Variants in NF2 observed in about 807,000 individuals in gnomAD.
NF2 encodes merlin.
Under a neutral mutation model 83.7 loss-of-function variants are expected in NF2, and 8 were observed. The ratio of observed to expected loss-of-function variants is 0.10; its 90% CI spans 0.06 to 0.17. The LOEUF (loss-of-function observed/expected upper bound fraction) is 0.17. Ranked by LOEUF, NF2 falls within the 10% of genes least tolerant of loss-of-function variation. The probability of loss-of-function intolerance (pLI) is 1.00; values close to 1 mark genes in which losing one functional copy is unlikely to be tolerated. For missense variants in NF2, 533 were observed against 744.4 expected (o/e 0.72, Z 3.31); for synonymous variants, 266 against 269.6 (o/e 0.99, Z 0.13).
At chr22:29,609,130 G>T in intron 1 of NF2, 1 of 752,252 alleles carries the variant, frequency 1.3e-6, no homozygotes, top group Non-Finnish European at 2.5e-6. Context: ...CAGGGGCTTT[G>T]ATTAAAGACA....
At chr22:29,641,288 A>C (rs2065804522) in intron 3 of NF2, among the ~76,000 whole-genome samples, 1 of 152,216 alleles carries the variant, frequency 6.6e-6, no homozygotes, top group Non-Finnish European at 1.5e-5. Flanking sequence ...TTAAAACCTA[A>C]GAAGAATTTT....
chr22:29,686,871 G>A (rs1569315452), intron 15 of NF2, among the ~76,000 whole-genome samples: 1 of 152,112 alleles, frequency 6.6e-6, no homozygotes, highest in African/African-American at 2.4e-5. Flanking sequence ...CAGTGGGAGC[G>A]ACACGTGTCC....
At position 29,603,644 on chromosome 22, in the gene NF2, C is replaced by T. The variant is rs2064699653; in HGVS notation, c.-355C>T. On this transcript the variant is annotated 5_prime_UTR_variant, in exon 1 of 16. Coordinates refer to ENST00000338641, the MANE Select transcript of NF2 (RefSeq NM_000268.4). ...TGCAGCGCGGCCCCGTGACCCTAGT[C>T]GGCCGCTGAGAGGCGCGCGGAGTCT... 2 of 407,322 alleles carry T rather than the reference C, an allele frequency of 4.9e-6. No homozygotes were observed. The highest frequency in any genetic ancestry group is 8.6e-6 in the Non-Finnish European group (2 of 231,634). 25.2% of individuals were successfully genotyped at this position (407,322 alleles called of 1,614,324 possible). A position where few individuals can be genotyped will look rare whatever the true frequency, so the allele number is the denominator to read the frequency against.
intron 1 of NF2, among the ~76,000 whole-genome samples, chr22:29,614,802 C>CT (rs1307060918): frequency 6.6e-6 from 1 of 152,092 alleles, no homozygotes; most frequent in Non-Finnish European, 1.5e-5. Context: ...AATCTGAGCA[C>CT]TTTAGGATGT....
At chr22:29,614,965 C>T (rs185915680) in intron 1 of NF2, among the ~76,000 whole-genome samples, 2 of 152,254 alleles carry the variant, frequency 1.3e-5, no homozygotes, top group Non-Finnish European at 2.9e-5. Flanking sequence ...AGGTGGACTG[C>T]TTGAGGACAG....
At chr22:29,619,960 C>G (rs2146754841) in intron 1 of NF2, among the ~76,000 whole-genome samples, 1 of 152,274 alleles carries the variant, frequency 6.6e-6, no homozygotes, top group Non-Finnish European at 1.5e-5. Context: ...CTCATTTATT[C>G]ATTCAAGAGA....
intron 9 of NF2, among the ~76,000 whole-genome samples, chr22:29,667,971 A>G (rs2066673347): frequency 6.6e-6 from 1 of 152,068 alleles, no homozygotes; most frequent in African/African-American, 2.4e-5. Context: ...TTTTTTCCAC[A>G]TGCATAACCT....
intron 1 of NF2, among the ~76,000 whole-genome samples, chr22:29,621,786 G>A (rs917508457): frequency 2.6e-5 from 4 of 152,152 alleles, no homozygotes; most frequent in Non-Finnish European, 4.4e-5. Context: ...CTCTTGCTCT[G>A]AGCCTATTAT....
chr22:29,659,909 A>G (rs890301569), intron 7 of NF2, among the ~76,000 whole-genome samples: 7 of 152,160 alleles, frequency 4.6e-5, no homozygotes, highest in African/African-American at 1.4e-4. Flanking sequence ...TGGTGATAGC[A>G]CCTGACTTCA....
rs1294032875 is a variant in NF2, at chr22:29,674,895, G to A, written c.1400G>A (p.Arg467Lys). Residue 467 changes from arginine (R) to lysine (K), a missense_variant, in exon 13 of 16, where the codon AGA becomes AAA. By Grantham distance (26) the Arg-to-Lys change is conservative (BLOSUM62 2). Coordinates refer to ENST00000338641, the MANE Select transcript of NF2 (RefSeq NM_000268.4). ...DLQEAREAER[R>K]AKQKLLEIAT... The stretch of plus-strand genomic sequence containing the variant: ...CAGGAAGCACGCGAGGCGGAGCGAA[G>A]AGCCAAGCAGAAGCTCCTGGAGATT... 15 of 1,574,658 alleles carry A rather than the reference G, an allele frequency of 9.5e-6. No individual in the cohort carries two copies. The East Asian group carries it at 3.5e-4, about 37-fold the overall frequency.
intron 1 of NF2, among the ~76,000 whole-genome samples, chr22:29,617,031 C>T (rs1159552144): frequency 2.0e-5 from 3 of 151,946 alleles, no homozygotes; most frequent in South Asian, 2.1e-4. Context: ...CAGGCTCAAG[C>T]GATTCTTCTG....
At chr22:29,659,517 G>GT (rs1296711459) in intron 7 of NF2, among the ~76,000 whole-genome samples, 1 of 152,134 alleles carries the variant, frequency 6.6e-6, no homozygotes. Flanking sequence ...AATGGATACT[G>GT]TTTTTTGTGT....
chr22:29,653,540 T>G (rs1246473780), intron 4 of NF2, among the ~76,000 whole-genome samples: 4 of 152,120 alleles, frequency 2.6e-5, no homozygotes, highest in Admixed American at 6.5e-5. Flanking sequence ...ATTATGAGAT[T>G]CAAAAGAAAT....
chr22:29,636,850 G>A lies in NF2; in HGVS notation c.214G>A (p.Val72Met), dbSNP rs2146854325. 6.2e-7 allele frequency: 1 copy of A among 1,614,192 alleles called. No individual in the cohort carries two copies. The highest frequency in any genetic ancestry group is 8.5e-7 in the Non-Finnish European group (1 of 1,180,034). ...FGLQYTIKDT[V>M]AWLKMDKKVL... ...ACTGCAGTACACAATCAAGGACACA[G>A]TGGCCTGGCTCAAAATGGACAAGAA... The change falls in exon 2 of 16, where the codon GTG becomes ATG. Residue 72 changes from valine to methionine, a missense_variant. This residue lies in a region of NF2 where 326 missense variants were observed against 475.1 expected (regional missense o/e 0.69). Transcript: ENST00000338641. The surrounding 1 kb of genome is among the most constrained non-coding windows in gnomAD (Gnocchi z 4.4).
chr22:29,668,363 C>G lies in NF2; in HGVS notation c.916C>G (p.Leu306Val), dbSNP rs1399716137. The change falls in exon 10 of 16, where the codon CTA (leucine) becomes GTA (valine). Residue 306 changes from leucine (L) to valine (V), a missense_variant. By Grantham distance (32) the Leu-to-Val change is conservative (BLOSUM62 1). Transcript: ENST00000338641. ...CCAGCTATGTATCGGGAACCATGAT[C>G]TATTTATGAGGAGAAGGAAAGCCGA... ...ILQLCIGNHD[L>V]FMRRRKADSL... 4.3e-6 allele frequency: 7 copies of G among 1,613,738 alleles called. No homozygotes were observed. The highest frequency in any genetic ancestry group is 1.6e-4 in the Middle Eastern group (1 of 6,082).
At chr22:29,608,029 C>T (rs1242983028) in intron 1 of NF2, among the ~76,000 whole-genome samples, 1 of 150,872 alleles carries the variant, frequency 6.6e-6, no homozygotes, top group Non-Finnish European at 1.5e-5. Context: ...AAAAATTAGC[C>T]AGGCGTGGTG....
chr22:29,614,622 C>CATGCTG (rs1410527585), intron 1 of NF2, among the ~76,000 whole-genome samples: 6 of 151,818 alleles, frequency 4.0e-5, no homozygotes, highest in African/African-American at 1.2e-4. Context: ...TGGCGGGCAC[C>CATGCTG]TGTAATCACA....
At chr22:29,688,598 G>A (rs759312053) in intron 15 of NF2, among the ~76,000 whole-genome samples, 8 of 152,246 alleles carry the variant, frequency 5.3e-5, no homozygotes, top group South Asian at 4.1e-4. Context: ...GGAGGGCCCC[G>A]CCGGCCAGTG....
chr22:29,678,136 A>AT, intron 13 of NF2, 60 bp from the exon 14 acceptor site: 1 of 1,609,986 alleles, frequency 6.2e-7, no homozygotes, highest in Admixed American at 1.7e-5. Flanking sequence ...TTGTCAACAC[A>AT]GTAGTGTCCT....
Sources: allele counts gnomAD v4.1 joint callset (sites outside exome capture counted in the v4.1 genomes callset), GRCh38; gene constraint gnomAD v4.1.1; regional missense constraint gnomAD v4.1.1; non-coding constraint Gnocchi (gnomAD v3.1); transcripts MANE v1.5; gene names NCBI Gene and HGNC (gene_info 2026-07-23, HGNC 2026-07-21).